GOLM2: variants seen among roughly 807,000 people sequenced by gnomAD.
GOLM2 encodes protein GOLM2.
In GOLM2, 26 loss-of-function variants were observed where a neutral mutation model predicts 55.9. The observed-to-expected ratio is 0.47, with a 90% confidence interval of 0.34 to 0.65. GOLM2 has a LOEUF of 0.65. Among genes scored for constraint, GOLM2 ranks in the 30% least tolerant of loss-of-function variants. The probability of loss-of-function intolerance (pLI) is 0.01; values close to 1 mark genes in which losing one functional copy is unlikely to be tolerated. For synonymous variants in GOLM2, 165 were observed against 194.6 expected, an observed-to-expected ratio of 0.85 and a Z score of 1.27; for missense variants, 486 against 531.8, an observed-to-expected ratio of 0.91 and a Z score of 0.85.
chr15:44,349,778 G>A (rs576820506), intron 6 of GOLM2, among the ~76,000 whole-genome samples: 3 of 152,248 alleles, frequency 2.0e-5, no homozygotes, highest in African/African-American at 4.8e-5. Context: ...AAAAATTGAC[G>A]TTATATCAAG....
intron 8 of GOLM2, among the ~76,000 whole-genome samples, chr15:44,390,964 G>A (rs539053027): frequency 2.0e-4 from 31 of 152,048 alleles, no homozygotes; most frequent in Non-Finnish European, 4.0e-4. Context: ...ACCACAGTAG[G>A]GATTAAGCTG....
chr15:44,309,678 C>T (rs751486999), intron 1 of GOLM2, among the ~76,000 whole-genome samples: 4 of 152,158 alleles, frequency 2.6e-5, no homozygotes, highest in African/African-American at 4.8e-5. Context: ...AAGCCCTTAC[C>T]ATGTGCCAGC....
intron 1 of GOLM2, among the ~76,000 whole-genome samples, chr15:44,316,601 A>G (rs1191037493): frequency 1.3e-5 from 2 of 152,076 alleles, no homozygotes; most frequent in East Asian, 3.9e-4. Flanking sequence ...TAAAAATACA[A>G]AAACTTAGCT....
At chr15:44,370,788 T>A (rs186264676) in intron 6 of GOLM2, among the ~76,000 whole-genome samples, 5 of 152,250 alleles carry the variant, frequency 3.3e-5, no homozygotes, top group Middle Eastern at 3.4e-3. Flanking sequence ...TGCCTCTGAG[T>A]ATCTGGGACT....
chr15:44,294,728 A>G (rs1567018393), intron 1 of GOLM2, among the ~76,000 whole-genome samples: 1 of 148,758 alleles, frequency 6.7e-6, no homozygotes, highest in Non-Finnish European at 1.5e-5. Context: ...AAAAAAAAAA[A>G]CACCACCACC....
chr15:44,291,102 C>T (rs2078717976), intron 1 of GOLM2, among the ~76,000 whole-genome samples: 1 of 145,318 alleles, frequency 6.9e-6, no homozygotes, highest in Admixed American at 6.9e-5. Context: ...CATGCCCAGC[C>T]TCTTTTTTTT....
intron 6 of GOLM2, among the ~76,000 whole-genome samples, chr15:44,352,975 ACTAT>A (rs2079175017): frequency 6.6e-6 from 1 of 152,126 alleles, no homozygotes; most frequent in African/African-American, 2.4e-5. Context: ...ATATTTGCAA[ACTAT>A]CTATCTGACA....
chr15:44,343,236 G>C (rs558883092), intron 6 of GOLM2, among the ~76,000 whole-genome samples: 1 of 151,882 alleles, frequency 6.6e-6, no homozygotes, highest in African/African-American at 2.4e-5. Context: ...GGGAGGCTGA[G>C]GCAGGAGAAT....
At chr15:44,401,288 G>A (rs1344568716) in intron 8 of GOLM2, among the ~76,000 whole-genome samples, 3 of 150,530 alleles carry the variant, frequency 2.0e-5, no homozygotes, top group Non-Finnish European at 4.4e-5. Flanking sequence ...TTTAAGAGAC[G>A]AGGTCTCACT....
chr15:44,341,410 T>G (rs922972609), intron 6 of GOLM2, among the ~76,000 whole-genome samples: 1 of 152,054 alleles, frequency 6.6e-6, no homozygotes, highest in Non-Finnish European at 1.5e-5. Flanking sequence ...GTTAAAATTT[T>G]ATCATTATTA....
intron 6 of GOLM2, among the ~76,000 whole-genome samples, chr15:44,377,350 C>A (rs1447980188): frequency 6.6e-6 from 1 of 152,068 alleles, no homozygotes; most frequent in Non-Finnish European, 1.5e-5. Context: ...CCAGCTTGGG[C>A]AACAGAACAA....
intron 6 of GOLM2, among the ~76,000 whole-genome samples, chr15:44,378,013 A>G (rs1460719214): frequency 6.7e-6 from 1 of 149,462 alleles, no homozygotes; most frequent in African/African-American, 2.4e-5. Context: ...ATTAAGAAGT[A>G]TATATATATA....
chr15:44,330,275 G>C (rs1382877145), intron 3 of GOLM2, among the ~76,000 whole-genome samples: 1 of 148,746 alleles, frequency 6.7e-6, no homozygotes, highest in African/African-American at 2.5e-5. Context: ...CACTTTGGGA[G>C]GCTGAGGCGG....
chr15:44,349,276 AC>A (rs2079145876), intron 6 of GOLM2, among the ~76,000 whole-genome samples: 1 of 150,880 alleles, frequency 6.6e-6, no homozygotes. Context: ...AAAAAAAAAA[AC>A]CACACAAAGA....
chr15:44,363,194 G>A (rs982820069), intron 6 of GOLM2, among the ~76,000 whole-genome samples: 8 of 152,238 alleles, frequency 5.3e-5, no homozygotes, highest in African/African-American at 1.7e-4. Context: ...TTGACAAATG[G>A]GATCTAGTTA....
chr15:44,368,303 ATTTTTT>A (rs1245673474), intron 6 of GOLM2, among the ~76,000 whole-genome samples: 2 of 115,692 alleles, frequency 1.7e-5, no homozygotes, highest in African/African-American at 6.5e-5. Flanking sequence ...ACGCCCAGCT[ATTTTTT>A]TTTTTTTTTT....
At chr15:44,376,535 A>C (rs1178331141) in intron 6 of GOLM2, among the ~76,000 whole-genome samples, 1 of 152,218 alleles carries the variant, frequency 6.6e-6, no homozygotes, top group Admixed American at 6.5e-5. Flanking sequence ...GACATGAGAC[A>C]CTGTGCTCAA....
intron 9 of GOLM2, among the ~76,000 whole-genome samples, chr15:44,404,156 ATACAT>A (rs1249396819): frequency 2.0e-5 from 3 of 152,166 alleles, no homozygotes; most frequent in African/African-American, 7.2e-5. Context: ...TTAGTGTGTG[ATACAT>A]TACATTTTTA....
chr15:44,314,082 A>G (rs1050008771), intron 1 of GOLM2, among the ~76,000 whole-genome samples: 10 of 151,908 alleles, frequency 6.6e-5, no homozygotes, highest in African/African-American at 2.4e-4. Context: ...CTAAAAATAC[A>G]AAAAATTAGC....
Sources: allele counts gnomAD v4.1 joint callset (sites outside exome capture counted in the v4.1 genomes callset), GRCh38; gene constraint gnomAD v4.1.1; transcripts MANE v1.5; gene names NCBI Gene and HGNC (gene_info 2026-07-23, HGNC 2026-07-21).